The following QTGAL variants were observed in gnomAD, a reference collection of about 807,000 sequenced individuals.
QTGAL encodes the protein BGnT-like protein 1.
chr17:83,030,617 C>T, the QTGAL span: 4 of 152,358 alleles, frequency 2.6e-5, no homozygotes, highest in African/African-American at 7.2e-5. Flanking sequence ...TGTCTGTAAC[C>T]CTCCCCACAG....
chr17:82,957,084 A>C, the QTGAL span: 1 of 1,521,082 alleles, frequency 6.6e-7, no homozygotes, highest in South Asian at 1.1e-5. Flanking sequence ...AGCACGGCCC[A>C]GGTGGACTCT....
the QTGAL span, chr17:82,947,057 C>T: frequency 3.7e-6 from 5 of 1,366,114 alleles, no homozygotes; most frequent in Non-Finnish European, 5.1e-6. Flanking sequence ...TCCTCCAGGG[C>T]CAGGGGTTGG....
the QTGAL span, among the ~76,000 whole-genome samples, chr17:83,026,308 C>T: frequency 6.6e-6 from 1 of 152,256 alleles, no homozygotes; most frequent in South Asian, 2.1e-4. Context: ...CCCACATGCA[C>T]AGCCAGAGGT....
the QTGAL span, chr17:82,942,787 G>A: frequency 2.2e-6 from 1 of 452,560 alleles, no homozygotes. Context: ...GAGGGGAGGT[G>A]GGCTGCACTC....
the QTGAL span, among the ~76,000 whole-genome samples, chr17:82,999,360 A>G: frequency 0.83 from 125,930 of 152,172 alleles, 52,618 homozygotes; most frequent in African/African-American, 0.95. Context: ...AACAACTCAA[A>G]TGTCCATCTA....
the QTGAL span, among the ~76,000 whole-genome samples, chr17:82,956,527 A>G: frequency 6.6e-6 from 1 of 152,156 alleles, no homozygotes; most frequent in Admixed American, 6.5e-5. The surrounding 1 kb of genome is among the most constrained non-coding windows in gnomAD (Gnocchi z 5.7). Context: ...ACCACCCCAC[A>G]GCCTGGTCTG....
At chr17:82,957,363 C>T in the QTGAL span, 1,357 of 1,613,162 alleles carry the variant, frequency 8.4e-4, 23 homozygotes, top group East Asian at 0.026. Context: ...GCTCACCTTG[C>T]GCTGGCTGCC....
At chr17:82,961,980 C>T in the QTGAL span, among the ~76,000 whole-genome samples, 1 of 151,922 alleles carries the variant, frequency 6.6e-6, no homozygotes, top group Admixed American at 6.6e-5. Context: ...TCAAACAAAA[C>T]TGAGGGAGGA....
the QTGAL span, among the ~76,000 whole-genome samples, chr17:83,016,375 T>C: frequency 6.6e-6 from 1 of 151,754 alleles, no homozygotes; most frequent in Non-Finnish European, 1.5e-5. Flanking sequence ...CAACGAACCA[T>C]GCTGAGGGAA....
At chr17:82,994,327 G>C in the QTGAL span, among the ~76,000 whole-genome samples, 2 of 151,964 alleles carry the variant, frequency 1.3e-5, no homozygotes, top group African/African-American at 4.8e-5. Context: ...ACTGATACTG[G>C]AGAAATTCAA....
the QTGAL span, among the ~76,000 whole-genome samples, chr17:82,997,320 A>G: frequency 6.6e-6 from 1 of 152,362 alleles, no homozygotes; most frequent in Admixed American, 6.5e-5. Flanking sequence ...AGAGAAATGC[A>G]AATAAAACAT....
chr17:82,965,290 A>G, the QTGAL span, among the ~76,000 whole-genome samples: 1 of 151,956 alleles, frequency 6.6e-6, no homozygotes, highest in Admixed American at 6.5e-5. Flanking sequence ...CGGGGGGAGG[A>G]TGGGCTCCCC....
At chr17:83,041,969 T>C in the QTGAL span, among the ~76,000 whole-genome samples, 1 of 152,176 alleles carries the variant, frequency 6.6e-6, no homozygotes, top group South Asian at 2.1e-4. Flanking sequence ...CAGGAACTCA[T>C]AGAGAAAGAA....
the QTGAL span, among the ~76,000 whole-genome samples, chr17:82,983,676 A>G: frequency 6.6e-6 from 1 of 152,222 alleles, no homozygotes. Flanking sequence ...CGCACAGCAG[A>G]TGCTCCGTGG....
the QTGAL span, among the ~76,000 whole-genome samples, chr17:83,027,699 CAAAAAAAAAAAAA>C: frequency 4.1e-3 from 128 of 31,530 alleles, 1 homozygote; most frequent in African/African-American, 0.012. Context: ...GAGACGCTCT[CAAAAAAAAAAAAA>C]AAAAAAAAAA....
the QTGAL span, chr17:83,051,712 G>C: frequency 6.8e-7 from 1 of 1,475,464 alleles, no homozygotes; most frequent in African/African-American, 1.5e-5. Context: ...CTGCACGGCG[G>C]GGCACCCTCC....
the QTGAL span, among the ~76,000 whole-genome samples, chr17:83,033,298 G>A: frequency 6.6e-6 from 1 of 151,918 alleles, no homozygotes; most frequent in African/African-American, 2.4e-5. Context: ...CCATGTTAAC[G>A]TTTCTGTTTT....
At chr17:82,942,669 C>A in the QTGAL span, 1 of 628,242 alleles carries the variant, frequency 1.6e-6, no homozygotes. Context: ...TTCACTTGAA[C>A]ACAAATGTGC....
chr17:83,036,855 CCT>C, the QTGAL span, among the ~76,000 whole-genome samples: 1 of 152,098 alleles, frequency 6.6e-6, no homozygotes, highest in Admixed American at 6.5e-5. Context: ...TCAACTTCCC[CCT>C]GCCAGCAGGG....
Sources: allele counts gnomAD v4.1 joint callset (sites outside exome capture counted in the v4.1 genomes callset), GRCh38; gene constraint gnomAD v4.1.1; non-coding constraint Gnocchi (gnomAD v3.1); transcripts MANE v1.5; gene names NCBI Gene and HGNC (gene_info 2026-07-23, HGNC 2026-07-21).